Variants in AOPEP observed in about 807,000 individuals in gnomAD.
AOPEP encodes the protein aminopeptidase O (putative), also known as aminopeptidase O.
In AOPEP, 77 loss-of-function variants were observed where a neutral mutation model predicts 98.1. The observed-to-expected ratio is 0.78, with a 90% CI of 0.65 to 0.95. AOPEP has a LOEUF of 0.95. Among genes scored for constraint, AOPEP ranks in the 40% least tolerant of loss-of-function variants. AOPEP has a pLI of 0.00. For synonymous variants in AOPEP, 346 were observed against 365.3 expected (o/e 0.95, Z 0.60); for missense variants, 1,024 against 1,024.7 (o/e 1.00, Z 0.01).
chr9:94,864,009 G>A (rs1039579251), intron 5 of AOPEP, among the ~76,000 whole-genome samples: 1 of 152,184 alleles, frequency 6.6e-6, no homozygotes, highest in African/African-American at 2.4e-5. Flanking sequence ...TGGGGGTACT[G>A]AGGAAGAAGG....
chr9:94,854,618 G>A (rs1205959387), intron 5 of AOPEP, among the ~76,000 whole-genome samples: 3 of 152,130 alleles, frequency 2.0e-5, no homozygotes, highest in Non-Finnish European at 4.4e-5. Context: ...CATACTATAG[G>A]TTATGTTTTA....
intron 16 of AOPEP, 131 bp downstream of exon 16, chr9:95,082,850 G>T: frequency 9.4e-7 from 1 of 1,064,568 alleles, no homozygotes; most frequent in Non-Finnish European, 1.3e-6. Flanking sequence ...CTGGCCCAGG[G>T]CCTGGAGAGT....
rs577265828 is a variant in AOPEP, at chr9:95,082,630, A to G, written c.2375A>G (p.Gln792Arg). ...ELMVSEDARQ[Q>R]QLARRCFERT... ...ATGGTGAGTGAGGACGCCAGACAGC[A>G]GCAGCTCGCCCGTAGGTGCTTCGAG... The change falls in exon 16 of 17, where the codon CAG (glutamine) becomes CGG (arginine). Residue 792 changes from glutamine to arginine, a missense_variant. Gln to Arg is a conservative substitution (Grantham distance 43). Around this residue, in one of 3 missense-constraint regions of AOPEP, gnomAD observed 566 missense variants for 551.7 expected, o/e 1.03. Coordinates refer to ENST00000375315, the MANE Select transcript of AOPEP (RefSeq NM_001193329.3). 1 of 1,614,250 alleles carries G rather than the reference A, an allele frequency of 6.2e-7. No homozygotes were observed. The highest frequency in any genetic ancestry group is 1.1e-5 in the South Asian group (1 of 91,084).
intron 6 of AOPEP, among the ~76,000 whole-genome samples, chr9:94,926,848 A>G (rs1404611215): frequency 6.6e-6 from 1 of 152,150 alleles, no homozygotes; most frequent in East Asian, 1.9e-4. Context: ...GGTGATGGAG[A>G]CCACCTTCCA....
chr9:94,928,086 G>T (rs2054641207), intron 6 of AOPEP, among the ~76,000 whole-genome samples: 1 of 152,150 alleles, frequency 6.6e-6, no homozygotes, highest in Admixed American at 6.5e-5. Flanking sequence ...GAAAGACAAA[G>T]CAGGAAAAGA....
chr9:94,826,828 G>T (rs1474135109), intron 5 of AOPEP, among the ~76,000 whole-genome samples: 1 of 152,258 alleles, frequency 6.6e-6, no homozygotes, highest in African/African-American at 2.4e-5. Context: ...CAGTGGAAGT[G>T]GGGGAGGTGA....
intron 7 of AOPEP, chr9:94,932,155 A>G (rs2055431498): frequency 1.0e-6 from 1 of 995,888 alleles, no homozygotes; most frequent in African/African-American, 1.7e-5. Flanking sequence ...AAAACAAACA[A>G]ACAAAAAACC....
At chr9:95,036,744 G>A (rs886099624) in intron 13 of AOPEP, among the ~76,000 whole-genome samples, 13 of 123,098 alleles carry the variant, frequency 1.1e-4, no homozygotes, top group Admixed American at 2.1e-4. Context: ...TGTTTCAGAG[G>A]TGGCCAAGCA....
intron 5 of AOPEP, among the ~76,000 whole-genome samples, chr9:94,846,750 A>G (rs1210106623): frequency 6.6e-6 from 1 of 152,146 alleles, no homozygotes; most frequent in African/African-American, 2.4e-5. Flanking sequence ...CTTTACAAAA[A>G]TTTTAAAAAG....
chr9:94,753,520 G>A (rs1034185576), intron 1 of AOPEP, among the ~76,000 whole-genome samples: 1 of 152,020 alleles, frequency 6.6e-6, no homozygotes, highest in African/African-American at 2.4e-5. Context: ...AAACAGGAAT[G>A]TAGAAAAATT....
chr9:94,891,885 T>C (rs1404037488), intron 5 of AOPEP, among the ~76,000 whole-genome samples: 4 of 152,226 alleles, frequency 2.6e-5, no homozygotes, highest in Non-Finnish European at 5.9e-5. Context: ...AACTATTCTT[T>C]AAAGGTGGGT....
chr9:95,046,147 C>G (rs117414058), intron 13 of AOPEP, among the ~76,000 whole-genome samples: 1 of 152,186 alleles, frequency 6.6e-6, no homozygotes, highest in Non-Finnish European at 1.5e-5. Context: ...CAAATAGTGT[C>G]GGAATCATTT....
At chr9:95,028,279 A>G (rs1231294310) in intron 13 of AOPEP, among the ~76,000 whole-genome samples, 2 of 152,220 alleles carry the variant, frequency 1.3e-5, no homozygotes, top group African/African-American at 4.8e-5. Context: ...GTTTGTTATA[A>G]AGGAACGGTT....
chr9:95,026,390 A>G (rs1006806783), intron 13 of AOPEP, among the ~76,000 whole-genome samples: 1 of 152,110 alleles, frequency 6.6e-6, no homozygotes, highest in Non-Finnish European at 1.5e-5. Context: ...CTGTAAATCT[A>G]CTTCTTGTTT....
intron 5 of AOPEP, among the ~76,000 whole-genome samples, chr9:94,898,476 A>G (rs1425766009): frequency 6.6e-6 from 1 of 151,698 alleles, no homozygotes; most frequent in African/African-American, 2.4e-5. Flanking sequence ...AAAATTAGCC[A>G]GGTGTGGGGC....
intron 7 of AOPEP, among the ~76,000 whole-genome samples, chr9:94,942,347 C>A (rs2057097810): frequency 6.6e-6 from 1 of 152,094 alleles, no homozygotes. Flanking sequence ...CTTTTTCCTA[C>A]CATTTAGTTT....
At chr9:95,054,511 A>G (rs149578867) in intron 13 of AOPEP, among the ~76,000 whole-genome samples, 1 of 152,366 alleles carries the variant, frequency 6.6e-6, no homozygotes, top group Non-Finnish European at 1.5e-5. Context: ...AGTTAGGGGA[A>G]TAATAGCACG....
intron 1 of AOPEP, among the ~76,000 whole-genome samples, chr9:94,753,757 G>T (rs115451898): frequency 0.026 from 4,007 of 152,184 alleles, 174 homozygotes; most frequent in African/African-American, 0.091. Flanking sequence ...AAAAATGAAG[G>T]GATTGAAAAG....
intron 5 of AOPEP, among the ~76,000 whole-genome samples, chr9:94,845,391 C>T (rs12344157): frequency 0.089 from 13,514 of 152,200 alleles, 718 homozygotes; most frequent in African/African-American, 0.13. Flanking sequence ...CCCAATTCCA[C>T]GGGGCCTTAC....
Sources: gnomAD v4.1 joint callset for allele counts (sites outside exome capture counted in the v4.1 genomes callset) on GRCh38, gnomAD v4.1.1 for gene constraint, gnomAD v4.1.1 regional missense constraint, MANE v1.5 for transcripts, NCBI Gene and HGNC (gene_info 2026-07-23, HGNC 2026-07-21) for gene names.